MYBPC1: variants seen among roughly 807,000 people sequenced by gnomAD.
MYBPC1 encodes the protein myosin binding protein C1, also known as myosin-binding protein C, slow-type.
In MYBPC1, 52 loss-of-function variants were observed where a neutral mutation model predicts 147.1. The ratio of observed to expected loss-of-function variants is 0.35; its 90% CI spans 0.28 to 0.45. The LOEUF (loss-of-function observed/expected upper bound fraction) is 0.45, where lower values mean the gene tolerates loss of function less well. Among genes scored for constraint, MYBPC1 ranks in the 20% least tolerant of loss-of-function variants. The pLI is 1.00. For synonymous variants in MYBPC1, 477 were observed against 475.9 expected, an observed-to-expected ratio of 1.00 and a Z score of -0.03; for missense variants, 1,228 against 1,440.3, an observed-to-expected ratio of 0.85 and a Z score of 2.39.
Position 101,682,592 on chromosome 12 carries a change from C to A in MYBPC1, c.3434-12C>A. ...ATAAATAAATACTGGTACAAATATT[C>A]TGATTCTGCAGTGATATATCAAGGA... On this transcript the variant is annotated splice_polypyrimidine_tract_variant and intron_variant, in intron 29 of 31. Coordinates refer to ENST00000361466, the MANE Select transcript of MYBPC1 (RefSeq NM_002465.4). 6.2e-7 allele frequency: 1 copy of A among 1,608,924 alleles called. No individual in the cohort carries two copies. Among genetic ancestry groups the A allele is most frequent in the Non-Finnish European group, 8.5e-7 (1 of 1,175,420 alleles).
chr12:101,681,555 CATATATATATAT>C (rs1206495774), intron 29 of MYBPC1, among the ~76,000 whole-genome samples: 271 of 23,170 alleles, frequency 0.012, 10 homozygotes, highest in African/African-American at 0.031. Context: ...AAATAACTTT[CATATATATATAT>C]ATATATATAT....
chr12:101,599,422 C>A (rs1295063904), intron 1 of MYBPC1, among the ~76,000 whole-genome samples: 1 of 152,116 alleles, frequency 6.6e-6, no homozygotes, highest in Admixed American at 6.6e-5. Flanking sequence ...AAAAAGCTAC[C>A]TGAATGTAGA....
chr12:101,667,675 GA>G, intron 22 of MYBPC1, 56 bp from the exon 23 acceptor site: 1 of 1,595,766 alleles, frequency 6.3e-7, no homozygotes, highest in Non-Finnish European at 8.6e-7. Context: ...TGGTTAAGAT[GA>G]TTTTTTTCAC....
In MYBPC1 at chr12:101,627,737, TC is replaced by T. The variant is rs1401960736; in HGVS notation, c.143-31del. 2.5e-6 allele frequency: 4 copies of T among 1,612,340 alleles called. No individual in the cohort carries two copies. The African/African-American group carries it at 4.0e-5, about 16-fold the overall frequency. ...TCCATTTTCATCCCCTTTCCACCCC[TC>T]TGCATCACCCAAATCACACTTTCCT... is the stretch of plus-strand genomic sequence containing the variant. On this transcript the variant is annotated intron_variant, in intron 4 of 31. Coordinates refer to ENST00000361466, the MANE Select transcript of MYBPC1 (RefSeq NM_002465.4).
chr12:101,642,544 A>C lies in MYBPC1; in HGVS notation c.791A>C (p.Lys264Thr). 3.1e-6 allele frequency: 5 copies of C among 1,613,192 alleles called. No homozygotes were observed. The highest frequency in any genetic ancestry group is 4.2e-6 in the Non-Finnish European group (5 of 1,179,620). Residue 264 changes from lysine (K) to threonine (T), a missense_variant, in exon 11 of 32, where the codon AAG (lysine) becomes ACG (threonine). Coordinates refer to ENST00000361466, the MANE Select transcript of MYBPC1 (RefSeq NM_002465.4). ...YGITDLRGML[K>T]RLKRMRREEK... Reference sequence around the variant, plus strand: ...ATCACCGACCTGCGCGGCATGCTCAAGCGACTCAAGCGCATGCGCAGAGAG... The same window carrying C: ...ATCACCGACCTGCGCGGCATGCTCACGCGACTCAAGCGCATGCGCAGAGAG...
At chr12:101,679,522 T>C (rs556598376) in intron 28 of MYBPC1, among the ~76,000 whole-genome samples, 54 of 152,252 alleles carry the variant, frequency 3.5e-4, no homozygotes, top group African/African-American at 1.3e-3. Flanking sequence ...AGAGGGTGCA[T>C]ATTTACAAAA....
At chr12:101,647,703 G>A (rs191917236) in intron 13 of MYBPC1, among the ~76,000 whole-genome samples, 34 of 152,298 alleles carry the variant, frequency 2.2e-4, no homozygotes, top group African/African-American at 8.2e-4. Context: ...CCTGGCCAAT[G>A]TGGTAAAATC....
At chr12:101,636,609 G>A in intron 9 of MYBPC1, 63 bp from the exon 10 acceptor site, 2 of 1,382,284 alleles carry the variant, frequency 1.4e-6, no homozygotes, top group Non-Finnish European at 1.0e-6. Context: ...AGAGTGTTTG[G>A]GGGAAATTGT....
At chr12:101,655,936 A>C (rs1198668745) in intron 18 of MYBPC1, among the ~76,000 whole-genome samples, 2 of 152,190 alleles carry the variant, frequency 1.3e-5, no homozygotes, top group East Asian at 3.8e-4. Context: ...TACTTTGTTC[A>C]AAATGATAAA....
intron 1 of MYBPC1, among the ~76,000 whole-genome samples, chr12:101,609,629 C>T (rs1883545300): frequency 6.6e-6 from 1 of 152,106 alleles, no homozygotes; most frequent in Non-Finnish European, 1.5e-5. Flanking sequence ...GATCAGATCC[C>T]TAAGTGATTA....
At chr12:101,626,975 G>T (rs1888755827) in intron 4 of MYBPC1, 65 bp downstream of exon 4, 1 of 1,479,100 alleles carries the variant, frequency 6.8e-7, no homozygotes, top group South Asian at 1.1e-5. Flanking sequence ...TAGAGGAAAA[G>T]AAAAGGCAGT....
At chr12:101,604,454 T>C (rs369037008) in intron 1 of MYBPC1, among the ~76,000 whole-genome samples, 1 of 152,244 alleles carries the variant, frequency 6.6e-6, no homozygotes, top group African/African-American at 2.4e-5. Flanking sequence ...TAAATAAATA[T>C]GGATTAAATT....
At chr12:101,682,797 T>C (rs1308030459) in intron 30 of MYBPC1, 135 bp downstream of exon 30, 1 of 811,918 alleles carries the variant, frequency 1.2e-6, no homozygotes, top group Admixed American at 2.2e-5. Flanking sequence ...TGGCATACAG[T>C]GCTTATGCCA....
chr12:101,621,491 A>G (rs11110892), intron 3 of MYBPC1, among the ~76,000 whole-genome samples: 4,170 of 152,228 alleles, frequency 0.027, 272 homozygotes, highest in East Asian at 0.26. Flanking sequence ...TGTCTCCCAT[A>G]TTTTATTGCT....
chr12:101,646,975 C>T, intron 13 of MYBPC1, 88 bp downstream of exon 13: 1 of 1,514,866 alleles, frequency 6.6e-7, no homozygotes, highest in Non-Finnish European at 9.2e-7. Flanking sequence ...AACTGAGGCT[C>T]CTCTACACTG....
At chr12:101,669,950 A>G in intron 23 of MYBPC1, 1 of 349,454 alleles carries the variant, frequency 2.9e-6, no homozygotes, top group Non-Finnish European at 5.4e-6. Context: ...GAAAAAAAAA[A>G]AGAAACTATG....
At chr12:101,597,357 T>C (rs1397992538) in intron 1 of MYBPC1, among the ~76,000 whole-genome samples, 1 of 152,178 alleles carries the variant, frequency 6.6e-6, no homozygotes, top group Non-Finnish European at 1.5e-5. Context: ...CCATGACCAC[T>C]TGCTGTGAAT....
chr12:101,665,958 C>T (rs1331680999), intron 22 of MYBPC1, among the ~76,000 whole-genome samples: 1 of 152,182 alleles, frequency 6.6e-6, no homozygotes, highest in African/African-American at 2.4e-5. Context: ...CTCCTTGATA[C>T]TCCTGTTAGG....
intron 29 of MYBPC1, among the ~76,000 whole-genome samples, chr12:101,681,570 ATATATATATATATATATATATATTTTT>A (rs1185754627): frequency 1.2e-4 from 2 of 16,578 alleles, no homozygotes; most frequent in East Asian, 9.7e-4. Context: ...ATATATATAT[ATATATATATATATATATATATATTTTT>A]TTTTTTTTTT....
Sources: allele counts gnomAD v4.1 joint callset (sites outside exome capture counted in the v4.1 genomes callset), GRCh38; gene constraint gnomAD v4.1.1; transcripts MANE v1.5; gene names NCBI Gene and HGNC (gene_info 2026-07-23, HGNC 2026-07-21).